Variants in KIAA0825 observed in about 807,000 individuals in gnomAD.
The protein encoded by KIAA0825 is KIAA0825.
Under a neutral mutation model 147.6 loss-of-function variants are expected in KIAA0825, and 119 were observed. That is an observed-to-expected ratio of 0.81 (90% confidence interval 0.69 to 0.94). The LOEUF is 0.94. KIAA0825 is among the 40% of genes least tolerant of loss of function. The probability of loss-of-function intolerance (pLI) is 0.00; values close to 1 mark genes in which losing one functional copy is unlikely to be tolerated. For synonymous variants in KIAA0825, 470 were observed against 518.1 expected (o/e 0.91, Z 1.26); for missense variants, 1,381 against 1,472.7 (o/e 0.94, Z 1.02).
At chr5:94,346,515 T>C (rs1386192611) in intron 20 of KIAA0825, among the ~76,000 whole-genome samples, 1 of 151,782 alleles carries the variant, frequency 6.6e-6, no homozygotes. Context: ...ACTGCAGAAG[T>C]AGGAAAAGAA....
chr5:94,154,486 C>T (rs1423837083), intron 20 of KIAA0825, among the ~76,000 whole-genome samples: 1 of 152,136 alleles, frequency 6.6e-6, no homozygotes, highest in Non-Finnish European at 1.5e-5. Context: ...TTTTTTCCCT[C>T]ACTGATTAAC....
At chr5:94,387,561 G>C (rs755531985) in intron 18 of KIAA0825, among the ~76,000 whole-genome samples, 1 of 152,104 alleles carries the variant, frequency 6.6e-6, no homozygotes, top group Non-Finnish European at 1.5e-5. Context: ...TGAGTGTGGT[G>C]GTGGGCACCT....
intron 20 of KIAA0825, among the ~76,000 whole-genome samples, chr5:94,217,583 A>T (rs1259665948): frequency 6.6e-6 from 1 of 152,232 alleles, no homozygotes; most frequent in African/African-American, 2.4e-5. Flanking sequence ...TTGAAATGAC[A>T]GTCTTGATTT....
chr5:94,541,020 C>T (rs867396829), intron 2 of KIAA0825, among the ~76,000 whole-genome samples: 15 of 152,164 alleles, frequency 9.9e-5, no homozygotes, highest in Middle Eastern at 3.4e-3. Flanking sequence ...TAGGACAAGT[C>T]GGAAGGTCCA....
chr5:94,327,640 T>A (rs1780830316), intron 20 of KIAA0825, among the ~76,000 whole-genome samples: 2 of 152,198 alleles, frequency 1.3e-5, no homozygotes, highest in South Asian at 4.1e-4. Flanking sequence ...AACCTTCTTT[T>A]CAAATATTTG....
intron 20 of KIAA0825, among the ~76,000 whole-genome samples, chr5:94,222,686 T>C (rs901436497): frequency 4.6e-5 from 7 of 152,166 alleles, no homozygotes; most frequent in African/African-American, 1.4e-4. Flanking sequence ...AATTAGCTCT[T>C]AACAATCATA....
intron 20 of KIAA0825, among the ~76,000 whole-genome samples, chr5:94,213,876 T>C (rs1243407813): frequency 2.0e-5 from 3 of 152,212 alleles, no homozygotes; most frequent in Non-Finnish European, 4.4e-5. Context: ...TCTCTGATCA[T>C]GGCACGTAAC....
chr5:94,608,304 T>C (rs893248203), intron 1 of KIAA0825, among the ~76,000 whole-genome samples: 15 of 136,754 alleles, frequency 1.1e-4, no homozygotes, highest in African/African-American at 4.2e-4. Context: ...CTCTGTTGCC[T>C]AGGAGGGAGT....
At position 94,254,382 on chromosome 5, in the gene KIAA0825, G is replaced by A. The variant is rs116566016; in HGVS notation, c.3711-100258C>T. Among the ~76,000 whole-genome samples, 733 of 152,164 alleles carry A rather than the reference G, an allele frequency of 4.8e-3. 4 individuals are homozygous for A. The highest frequency in any genetic ancestry group is 0.017 in the African/African-American group (706 of 41,532). On this transcript the variant is annotated intron_variant, in intron 20 of 20. Coordinates refer to ENST00000682413, the MANE Select transcript of KIAA0825 (RefSeq NM_001145678.3). ...CCAGTTAGCTTTACTTTGTTCTGTG[G>A]TCACAGACGGATACCTCATCCTATC...
intron 20 of KIAA0825, among the ~76,000 whole-genome samples, chr5:94,160,466 GCATATCTGTATATAGTA>G (rs1453243459): frequency 6.7e-6 from 1 of 148,338 alleles, no homozygotes; most frequent in Non-Finnish European, 1.5e-5. Context: ...GTATATATCT[GCATATCTGTATATAGTA>G]CATATCTGTA....
chr5:94,450,036 T>C (rs59111087), intron 13 of KIAA0825, among the ~76,000 whole-genome samples: 18,684 of 151,918 alleles, frequency 0.12, 1,252 homozygotes, highest in East Asian at 0.22. Flanking sequence ...TCCAAGATCG[T>C]GCCATTGGAC....
intron 20 of KIAA0825, among the ~76,000 whole-genome samples, chr5:94,182,283 A>T (rs1185261303): frequency 2.7e-4 from 1 of 3,654 alleles, no homozygotes; most frequent in Non-Finnish European, 7.5e-4. Context: ...TTTTTGAGAC[A>T]GGGCCTTTCT....
intron 15 of KIAA0825, among the ~76,000 whole-genome samples, chr5:94,412,816 G>C (rs915465754): frequency 1.3e-5 from 2 of 152,136 alleles, no homozygotes; most frequent in African/African-American, 4.8e-5. Flanking sequence ...ACATGGGTTT[G>C]AACTGCACAG....
intron 20 of KIAA0825, among the ~76,000 whole-genome samples, chr5:94,168,625 T>G (rs1476565646): frequency 6.6e-6 from 1 of 152,172 alleles, no homozygotes; most frequent in African/African-American, 2.4e-5. Context: ...AGAGACTTCA[T>G]TTCCACCAGT....
chr5:94,370,447 A>T (rs1746518804), intron 20 of KIAA0825, among the ~76,000 whole-genome samples: 1 of 152,204 alleles, frequency 6.6e-6, no homozygotes, highest in Admixed American at 6.5e-5. Flanking sequence ...ATAAGTAGAG[A>T]AATGATTTTA....
chr5:94,248,698 G>C (rs1332607614), intron 20 of KIAA0825, among the ~76,000 whole-genome samples: 1 of 152,098 alleles, frequency 6.6e-6, no homozygotes, highest in African/African-American at 2.4e-5. Flanking sequence ...CTGCAATGTG[G>C]ATTTACCTCT....
At chr5:94,327,195 G>A (rs1056217324) in intron 20 of KIAA0825, among the ~76,000 whole-genome samples, 2 of 152,026 alleles carry the variant, frequency 1.3e-5, no homozygotes, top group African/African-American at 4.8e-5. Context: ...TGTTAATAAG[G>A]GGTGAGAGGT....
intron 3 of KIAA0825, among the ~76,000 whole-genome samples, chr5:94,532,120 T>C (rs1770915779): frequency 6.6e-6 from 1 of 152,216 alleles, no homozygotes. Context: ...CTGCATTTTC[T>C]AGGTGAAGTC....
intron 1 of KIAA0825, chr5:94,594,645 T>G: frequency 1.6e-6 from 1 of 630,410 alleles, no homozygotes; most frequent in Non-Finnish European, 3.0e-6. Flanking sequence ...AAAAGGAAAA[T>G]CTTCTATGAA....
Sources: gnomAD v4.1 joint callset for allele counts (sites outside exome capture counted in the v4.1 genomes callset) on GRCh38, gnomAD v4.1.1 for gene constraint, MANE v1.5 for transcripts, NCBI Gene and HGNC (gene_info 2026-07-23, HGNC 2026-07-21) for gene names.